SPATA31H1: variants seen among roughly 807,000 people sequenced by gnomAD.
SPATA31H1 encodes the protein spermatogenesis-associated protein 31H1.
At chr2:27,539,944 G>C in the SPATA31H1 span, among the ~76,000 whole-genome samples, 3 of 128,774 alleles carry the variant, frequency 2.3e-5, no homozygotes, top group Non-Finnish European at 3.3e-5. Flanking sequence ...CCTCCCGGAC[G>C]GGGCGGCTGG....
the SPATA31H1 span, among the ~76,000 whole-genome samples, chr2:27,559,320 G>A: frequency 2.0e-5 from 3 of 152,142 alleles, no homozygotes; most frequent in South Asian, 2.1e-4. Flanking sequence ...ATAGCCCTTC[G>A]GGGATTCCAG....
the SPATA31H1 span, chr2:27,570,458 G>A: frequency 5.0e-6 from 2 of 398,790 alleles, no homozygotes; most frequent in African/African-American, 4.1e-5. Context: ...CAGGATCAAT[G>A]TTTCATAGTG....
At chr2:27,580,616 G>A in the SPATA31H1 span, 2 of 1,614,162 alleles carry the variant, frequency 1.2e-6, no homozygotes, top group South Asian at 2.2e-5. Flanking sequence ...CCCAACCCAA[G>A]TTCATGCAAC....
the SPATA31H1 span, chr2:27,579,855 G>A: frequency 6.2e-7 from 1 of 1,614,198 alleles, no homozygotes; most frequent in Non-Finnish European, 8.5e-7. Flanking sequence ...AAAAATAGCA[G>A]CAAAACTCTT....
At chr2:27,541,284 A>C in the SPATA31H1 span, among the ~76,000 whole-genome samples, 1 of 151,726 alleles carries the variant, frequency 6.6e-6, no homozygotes, top group East Asian at 1.9e-4. Flanking sequence ...AATCGCAGGC[A>C]CTCGGCAGGC....
chr2:27,561,208 G>A, the SPATA31H1 span, among the ~76,000 whole-genome samples: 1 of 152,266 alleles, frequency 6.6e-6, no homozygotes, highest in East Asian at 1.9e-4. Context: ...GTGCATGCCT[G>A]TAATCCCAGC....
chr2:27,563,651 C>T, the SPATA31H1 span, among the ~76,000 whole-genome samples: 9 of 151,780 alleles, frequency 5.9e-5, no homozygotes, highest in Non-Finnish European at 1.2e-4. Context: ...CCTCCACCTT[C>T]CAAGTTGAAG....
chr2:27,549,652 A>G, the SPATA31H1 span, among the ~76,000 whole-genome samples: 10 of 151,772 alleles, frequency 6.6e-5, no homozygotes, highest in Non-Finnish European at 1.3e-4. Flanking sequence ...TCTACTAAAA[A>G]TACAAAAAAT....
chr2:27,576,914 A>G, the SPATA31H1 span: 24 of 1,614,002 alleles, frequency 1.5e-5, no homozygotes, highest in Non-Finnish European at 1.9e-5. Flanking sequence ...CAAATTATCA[A>G]ATCATGGAAT....
the SPATA31H1 span, chr2:27,566,705 C>T: frequency 1.7e-6 from 1 of 583,212 alleles, no homozygotes; most frequent in Non-Finnish European, 3.1e-6. Flanking sequence ...TATTTCAATG[C>T]AAACTGAAAC....
At chr2:27,551,839 T>A in the SPATA31H1 span, among the ~76,000 whole-genome samples, 1 of 151,802 alleles carries the variant, frequency 6.6e-6, no homozygotes, top group South Asian at 2.1e-4. Flanking sequence ...TTTTTTTTTG[T>A]TGTTGTTAGA....
At chr2:27,572,111 G>A in the SPATA31H1 span, 5 of 398,382 alleles carry the variant, frequency 1.3e-5, no homozygotes, top group Admixed American at 4.4e-5. Flanking sequence ...ACCTACAGTC[G>A]AAAGGTATAA....
At chr2:27,568,115 G>A in the SPATA31H1 span, 3 of 398,970 alleles carry the variant, frequency 7.5e-6, no homozygotes, top group Non-Finnish European at 1.3e-5. Context: ...CTGTAGCACT[G>A]CTTCAAGTTA....
chr2:27,572,597 C>A, the SPATA31H1 span: 1 of 396,990 alleles, frequency 2.5e-6, no homozygotes, highest in African/African-American at 2.1e-5. Context: ...TGCTAGCATC[C>A]ACCTCAGAGC....
chr2:27,546,146 CA>C, the SPATA31H1 span, among the ~76,000 whole-genome samples: 1 of 151,968 alleles, frequency 6.6e-6, no homozygotes, highest in Non-Finnish European at 1.5e-5. Flanking sequence ...CTCACTTTTT[CA>C]TTTACAATTG....
chr2:27,566,873 CTCCTTTAGTTCA>C, the SPATA31H1 span: 2 of 717,616 alleles, frequency 2.8e-6, no homozygotes, highest in African/African-American at 3.5e-5. Context: ...ACCACAGCAT[CTCCTTTAGTTCA>C]TCATGCAATG....
the SPATA31H1 span, among the ~76,000 whole-genome samples, chr2:27,563,993 G>A: frequency 6.6e-6 from 1 of 152,190 alleles, no homozygotes; most frequent in South Asian, 2.1e-4. Flanking sequence ...TGGGATTACA[G>A]GCATGAGCCA....
the SPATA31H1 span, among the ~76,000 whole-genome samples, chr2:27,556,704 TTAA>T: frequency 8.4e-3 from 1,244 of 147,406 alleles, 25 homozygotes; most frequent in African/African-American, 0.029. Context: ...TTTTTTTTTT[TTAA>T]TTAATTTATT....
the SPATA31H1 span, chr2:27,568,812 A>G: frequency 2.5e-6 from 1 of 399,002 alleles, no homozygotes; most frequent in Non-Finnish European, 4.4e-6. Flanking sequence ...GGTGCAAGGT[A>G]TGAAATATGG....
Sources: allele counts gnomAD v4.1 joint callset (sites outside exome capture counted in the v4.1 genomes callset), GRCh38; gene constraint gnomAD v4.1.1; transcripts MANE v1.5; gene names NCBI Gene and HGNC (gene_info 2026-07-23, HGNC 2026-07-21).